Variants in ABLIM1 observed in about 807,000 individuals in gnomAD.
ABLIM1 encodes the protein actin-binding LIM protein 1.
ABLIM1 carries 40 observed loss-of-function variants against 107.0 expected under a neutral mutation model. That is an observed-to-expected ratio of 0.37 (90% CI 0.29 to 0.49). The LOEUF is 0.49. Ranked by LOEUF, ABLIM1 falls within the 20% of genes least tolerant of loss-of-function variation. ABLIM1 has a pLI of 0.97. For missense variants in ABLIM1, 857 were observed against 1,008.5 expected, an observed-to-expected ratio of 0.85 and a Z score of 2.04; for synonymous variants, 357 against 357.3, an observed-to-expected ratio of 1.00 and a Z score of 0.01.
At chr10:114,734,849 G>A (rs908798790) in intron 1 of ABLIM1, among the ~76,000 whole-genome samples, 16 of 152,098 alleles carry the variant, frequency 1.1e-4, no homozygotes, top group African/African-American at 3.9e-4. Context: ...CGATAACTTA[G>A]TAAATAACTA....
At chr10:114,468,810 G>A (rs2065817590) in intron 10 of ABLIM1, among the ~76,000 whole-genome samples, 1 of 151,804 alleles carries the variant, frequency 6.6e-6, no homozygotes, top group Non-Finnish European at 1.5e-5. Flanking sequence ...CCAGCACTTT[G>A]GGAGGCTGAG....
chr10:114,448,762 C>T (rs2061429829), intron 14 of ABLIM1, among the ~76,000 whole-genome samples: 1 of 152,114 alleles, frequency 6.6e-6, no homozygotes, highest in Non-Finnish European at 1.5e-5. Context: ...TAAAGGCATG[C>T]ACCACCATGC....
At chr10:114,498,306 C>A (rs1220071463) in intron 6 of ABLIM1, among the ~76,000 whole-genome samples, 2 of 152,190 alleles carry the variant, frequency 1.3e-5, no homozygotes, top group Non-Finnish European at 2.9e-5. Flanking sequence ...GTAGTGCTAA[C>A]AGAAGAGCAA....
At chr10:114,756,263 C>A (rs2082628337) in intron 1 of ABLIM1, among the ~76,000 whole-genome samples, 1 of 152,132 alleles carries the variant, frequency 6.6e-6, no homozygotes, top group Non-Finnish European at 1.5e-5. Flanking sequence ...TATACTATAA[C>A]TAGACATTAC....
At chr10:114,639,453 G>T (rs1459212455) in intron 1 of ABLIM1, among the ~76,000 whole-genome samples, 2 of 152,204 alleles carry the variant, frequency 1.3e-5, no homozygotes, top group African/African-American at 4.8e-5. Context: ...ATTCTATCAT[G>T]CCACACCGGC....
chr10:114,491,730 C>A, intron 7 of ABLIM1, 61 bp downstream of exon 7: 1 of 1,470,508 alleles, frequency 6.8e-7, no homozygotes. Context: ...ATCAAACAAA[C>A]ATAGCAAGAT....
chr10:114,544,982 G>A, intron 6 of ABLIM1, 23 bp downstream of exon 6: 2 of 1,609,234 alleles, frequency 1.2e-6, no homozygotes, highest in East Asian at 2.2e-5. Flanking sequence ...CGGTAGCTAT[G>A]AGGGAGCCGG....
At chr10:114,484,595 G>T (rs2057905802) in intron 8 of ABLIM1, among the ~76,000 whole-genome samples, 1 of 151,976 alleles carries the variant, frequency 6.6e-6, no homozygotes, top group Non-Finnish European at 1.5e-5. Context: ...GTTGGCCAGG[G>T]TGGTCTTGAA....
At chr10:114,540,634 C>A (rs572895649) in intron 6 of ABLIM1, among the ~76,000 whole-genome samples, 2 of 152,164 alleles carry the variant, frequency 1.3e-5, no homozygotes, top group East Asian at 3.9e-4. Context: ...GAATGAGTGA[C>A]ACAGCCAGAC....
chr10:114,532,513 C>A (rs765517751), intron 6 of ABLIM1, among the ~76,000 whole-genome samples: 2 of 152,348 alleles, frequency 1.3e-5, no homozygotes, highest in East Asian at 3.9e-4. Flanking sequence ...TGGTGGCAGA[C>A]CCCTCAGCGC....
At chr10:114,444,766 G>A (rs1401522831) in intron 16 of ABLIM1, among the ~76,000 whole-genome samples, 2 of 152,158 alleles carry the variant, frequency 1.3e-5, no homozygotes, top group Non-Finnish European at 2.9e-5. Context: ...CCTCTTGACT[G>A]ATAACAGACT....
At chr10:114,660,630 T>G (rs534884700), upstream of ABLIM1, among the ~76,000 whole-genome samples, 1 of 152,360 alleles carries the variant, frequency 6.6e-6, no homozygotes, top group South Asian at 2.1e-4. Flanking sequence ...CATCGTAGTG[T>G]GGGAACCCCT....
At chr10:114,708,578 T>G (rs548873060) in intron 1 of ABLIM1, among the ~76,000 whole-genome samples, 1 of 152,044 alleles carries the variant, frequency 6.6e-6, no homozygotes, top group South Asian at 2.1e-4. Context: ...ATGGGGAGAA[T>G]AAGAAGACAA....
At chr10:114,668,072 G>A (rs1316630200) in intron 1 of ABLIM1, among the ~76,000 whole-genome samples, 2 of 151,706 alleles carry the variant, frequency 1.3e-5, no homozygotes, top group Non-Finnish European at 2.9e-5. Context: ...CTAGGGGATG[G>A]GCAGACTTCA....
intron 6 of ABLIM1, among the ~76,000 whole-genome samples, chr10:114,535,121 G>A (rs753527810): frequency 4.6e-5 from 7 of 152,192 alleles, no homozygotes; most frequent in South Asian, 2.1e-4. Context: ...CCAGTAAAGT[G>A]TTGCAAAACC....
intron 1 of ABLIM1, among the ~76,000 whole-genome samples, chr10:114,645,189 A>G (rs968754150): frequency 2.0e-5 from 3 of 152,178 alleles, no homozygotes; most frequent in Non-Finnish European, 4.4e-5. Flanking sequence ...TACTAGAAGC[A>G]TCAAAATGCG....
intron 1 of ABLIM1, among the ~76,000 whole-genome samples, chr10:114,602,620 T>G (rs2076106015): frequency 6.6e-6 from 1 of 152,220 alleles, no homozygotes; most frequent in South Asian, 2.1e-4. Context: ...ATACACACAC[T>G]GCAGGCAGTA....
At chr10:114,459,464 A>T (rs1158319293) in intron 12 of ABLIM1, among the ~76,000 whole-genome samples, 1 of 152,220 alleles carries the variant, frequency 6.6e-6, no homozygotes, top group Non-Finnish European at 1.5e-5. Flanking sequence ...TTTCAAAATA[A>T]CTAAGACGTA....
upstream of ABLIM1, among the ~76,000 whole-genome samples, chr10:114,688,086 TC>T (rs1434550411): frequency 6.6e-6 from 1 of 152,118 alleles, no homozygotes; most frequent in Non-Finnish European, 1.5e-5. Flanking sequence ...GTGACTTTTG[TC>T]CCAACCTAAT....
Sources: gnomAD v4.1 joint callset for allele counts (sites outside exome capture counted in the v4.1 genomes callset) on GRCh38, gnomAD v4.1.1 for gene constraint, MANE v1.5 for transcripts, NCBI Gene and HGNC (gene_info 2026-07-23, HGNC 2026-07-21) for gene names.